Variants in TUBB4A observed in about 807,000 individuals in gnomAD.
TUBB4A encodes the protein tubulin beta 4A class IVa.
Under a neutral mutation model 35.1 loss-of-function variants are expected in TUBB4A, and 13 were observed. The ratio of observed to expected loss-of-function variants is 0.37; its 90% confidence interval spans 0.24 to 0.59. The LOEUF (loss-of-function observed/expected upper bound fraction) is 0.59, where lower values mean the gene tolerates loss of function less well. Ranked by LOEUF, TUBB4A falls within the 20% of genes least tolerant of loss-of-function variation. The pLI is 0.71. For synonymous variants in TUBB4A, 279 were observed against 272.4 expected, an observed-to-expected ratio of 1.02 and a Z score of -0.24; for missense variants, 299 against 647.2, an observed-to-expected ratio of 0.46 and a Z score of 5.84.
Position 6,495,050 on chromosome 19 carries a change from CA to C in TUBB4A, c.*113del, listed in dbSNP as rs549322007. On this transcript the variant is annotated 3_prime_UTR_variant, in exon 4 of 4. Coordinates refer to ENST00000264071, the MANE Select transcript of TUBB4A (RefSeq NM_006087.4). The surrounding 1 kb of genome is among the most constrained non-coding windows in gnomAD (Gnocchi z 8.7). ...CGAGCTCCAAAGGTATTGTTAGGGT[CA>C]GCGGGGAGTCAGCCTTGGAGGGAAA... 63 of 1,279,190 alleles carry C rather than the reference CA, an allele frequency of 4.9e-5. 1 individual carries two copies. In the African/African-American group the frequency reaches 6.1e-4, roughly 12 times the overall value. 79.2% of individuals were successfully genotyped at this position (1,279,190 alleles called of 1,614,324 possible).
In TUBB4A at chr19:6,496,019, T is replaced by C. The variant is rs779020457; in HGVS notation, c.480A>G (p.Pro160=). The change falls in exon 4 of 4, where the codon CCA becomes CCG. Residue 160 remains proline (P), a synonymous_variant. Coordinates refer to ENST00000264071, the MANE Select transcript of TUBB4A (RefSeq NM_006087.4). ...CGCTGAAGGTGTTCATGATGCGGTC[T>C]GGGAACTCCTCGCGGATCTTACTGA... ...LLISKIREEF[P]DRIMNTFSVV... 1.4e-5 allele frequency: 22 copies of C among 1,614,086 alleles called. No homozygotes were observed. The highest frequency in any genetic ancestry group is 3.3e-4 in the Middle Eastern group (2 of 6,084).
At chr19:6,497,064 T>TAA (rs1291861409) in intron 3 of TUBB4A, among the ~76,000 whole-genome samples, 4 of 74,618 alleles carry the variant, frequency 5.4e-5, no homozygotes, top group African/African-American at 1.1e-4. Context: ...TATATATATA[T>TAA]AAATTAGCCA....
intron 3 of TUBB4A, chr19:6,500,745 G>GA (rs113460662): frequency 0.67 from 84,730 of 126,222 alleles, 28,598 homozygotes; most frequent in Middle Eastern, 0.75. Context: ...GACCCTGTCT[G>GA]AAAAAAAAAA....
chr19:6,496,258 T>C, intron 3 of TUBB4A, 37 bp from the exon 4 acceptor site: 1 of 1,567,916 alleles, frequency 6.4e-7, no homozygotes, highest in Non-Finnish European at 8.7e-7. Context: ...CATGCAGTTA[T>C]GGGGAGCCCC....
Position 6,496,425 on chromosome 19 carries a change from C to G in TUBB4A, c.278-204G>C, listed in dbSNP as rs8107114. 71 of 527,328 alleles carry G rather than the reference C, an allele frequency of 1.3e-4. 1 individual carries two copies. In the South Asian group the frequency reaches 1.4e-3, roughly 11 times the overall value. 32.7% of individuals were successfully genotyped at this position (527,328 alleles called of 1,614,324 possible). A position where few individuals can be genotyped will look rare whatever the true frequency, so the allele number is the denominator to read the frequency against. ...TGGGCGGATCACGAGGTCAGGAGAT[C>G]GAGACCATCCTGGCTAACACGGTGA... On this transcript the variant is annotated intron_variant, in intron 3 of 3. Transcript: ENST00000264071.
intron 3 of TUBB4A, among the ~76,000 whole-genome samples, chr19:6,496,665 A>G (rs1334335692): frequency 6.7e-6 from 1 of 148,328 alleles, no homozygotes; most frequent in East Asian, 2.0e-4. Flanking sequence ...ATAAATAATA[A>G]CAATTATAGC....
At chr19:6,498,329 G>A (rs1266468116) in intron 3 of TUBB4A, among the ~76,000 whole-genome samples, 3 of 152,040 alleles carry the variant, frequency 2.0e-5, no homozygotes, top group African/African-American at 4.8e-5. Context: ...TCACCCTCCT[G>A]GATAAGTTCA....
At chr19:6,497,505 A>G (rs1329878098) in intron 3 of TUBB4A, among the ~76,000 whole-genome samples, 1 of 151,728 alleles carries the variant, frequency 6.6e-6, no homozygotes, top group African/African-American at 2.4e-5. Flanking sequence ...AGCTGGAGCA[A>G]TCCACCTGCC....
intron 3 of TUBB4A, among the ~76,000 whole-genome samples, chr19:6,497,273 T>C (rs1423217461): frequency 6.6e-6 from 1 of 151,166 alleles, no homozygotes; most frequent in Non-Finnish European, 1.5e-5. Context: ...AATAATAATA[T>C]CATTTTCAGG....
At chr19:6,500,675 G>C (rs1914487056) in intron 3 of TUBB4A, 1 of 151,732 alleles carries the variant, frequency 6.6e-6, no homozygotes, top group Non-Finnish European at 1.5e-5. Context: ...CAGAGGTGGA[G>C]GTGACAGTGA....
rs143972720 is a variant in TUBB4A at position 6,496,632 on chromosome 19, A to AAATAATAAT, written c.278-420_278-412dup. 9.2e-3 allele frequency among the ~76,000 whole-genome samples: 1,318 copies of AAATAATAAT among 143,418 alleles called. 14 individuals are homozygous for AAATAATAAT. The highest frequency in any genetic ancestry group is 0.043 in the East Asian group (211 of 4,854). 94.1% of individuals were successfully genotyped at this position (143,418 alleles called of 152,430 possible). A position where few individuals can be genotyped will look rare whatever the true frequency, so the allele number is the denominator to read the frequency against. ...GGCAACAGAGCGAGACTCCGTCTCAAAATAATAATAATAATAATAATAATA... is the reference window on the plus strand; with the variant it reads ...GGCAACAGAGCGAGACTCCGTCTCAAAATAATAATAATAATAATAATAATAATAATAATA... On this transcript the variant is annotated intron_variant, in intron 3 of 3. Transcript: ENST00000264071.
At chr19:6,496,324 T>C (rs1914187078) in intron 3 of TUBB4A, 103 bp from the exon 4 acceptor site, 4 of 1,091,738 alleles carry the variant, frequency 3.7e-6, no homozygotes, top group Non-Finnish European at 5.2e-6. Context: ...TGAATACTAG[T>C]AACTATCAAA....
Position 6,495,128 on chromosome 19 carries a change from G to C in TUBB4A, c.*36C>G, listed in dbSNP as rs759397360. The C allele has an allele frequency of 6.8e-6, 11 of 1,608,058 alleles. No individual in the cohort carries two copies. The East Asian group carries it at 1.8e-4, about 26-fold the overall frequency. On this transcript the variant is annotated 3_prime_UTR_variant, in exon 4 of 4. Coordinates refer to ENST00000264071, the MANE Select transcript of TUBB4A (RefSeq NM_006087.4). This position sits in a 1 kb window ranked among gnomAD's most constrained non-coding sequence, Gnocchi z 8.7. ...GGGCCTAGCGGATCAAAGGTCAGAA[G>C]CCTCGAGGGGACAGGTGGGAAGCGA...
rs74383079 is a variant in TUBB4A at position 6,494,531 on chromosome 19, G to T, written c.*633C>A. 7.5e-3 allele frequency: 1,174 copies of T among 155,758 alleles called. 27 individuals are homozygous for T. The highest frequency in any genetic ancestry group is 0.027 in the African/African-American group (1,116 of 41,324). The allele number at this position is 155,758 out of a possible 1,614,324, so 9.6% of individuals were successfully genotyped here. The stretch of plus-strand genomic sequence containing the variant: ...GGTCAGAGGTAGGAGCTGACGCTGT[G>T]GGGGGTGGGGGGTGAAAGGTGAGGC... On this transcript the variant is annotated 3_prime_UTR_variant, in exon 4 of 4. Transcript: ENST00000264071.
chr19:6,501,126 G>T lies in TUBB4A; in HGVS notation c.277+161C>A. 1 of 602,076 alleles carries T rather than the reference G, an allele frequency of 1.7e-6. No individual in the cohort carries two copies. The highest frequency in any genetic ancestry group is 2.9e-6 in the Non-Finnish European group (1 of 341,122). The allele number at this position is 602,076 out of a possible 1,614,324, so 37.3% of individuals were successfully genotyped here. ...CGCCCTCCTCAGGGCTCTCACAGTG[G>T]CCTGAGCATCCCCTCATCACAGCCC... On this transcript the variant is annotated intron_variant, in intron 3 of 3. Coordinates refer to ENST00000264071, the MANE Select transcript of TUBB4A (RefSeq NM_006087.4). This position sits in a 1 kb window ranked among gnomAD's most constrained non-coding sequence, Gnocchi z 4.2.
At position 6,501,001 on chromosome 19, in the gene TUBB4A, A is replaced by G; in HGVS notation, c.277+286T>C. The G allele has an allele frequency of 2.5e-6, 1 of 402,410 alleles. No individual in the cohort carries two copies. Among genetic ancestry groups the G allele is most frequent in the Non-Finnish European group, 4.5e-6 (1 of 222,320 alleles). The allele number at this position is 402,410 out of a possible 1,614,324, so 24.9% of individuals were successfully genotyped here. On this transcript the variant is annotated intron_variant, in intron 3 of 3. Coordinates refer to ENST00000264071, the MANE Select transcript of TUBB4A (RefSeq NM_006087.4). This position sits in a 1 kb window ranked among gnomAD's most constrained non-coding sequence, Gnocchi z 4.2. The stretch of plus-strand genomic sequence containing the variant: ...CTGTTTGTTGAATGCATGAAGTGGC[A>G]GAATTGGGATGTGCACCCAGGCAGT...
intron 3 of TUBB4A, among the ~76,000 whole-genome samples, chr19:6,496,628 C>G (rs1452252538): frequency 8.9e-6 from 1 of 111,798 alleles, no homozygotes; most frequent in Non-Finnish European, 2.0e-5. Flanking sequence ...GAGACTCCGT[C>G]TCAAAATAAT....
At chr19:6,497,064 T>A (rs866978940) in intron 3 of TUBB4A, among the ~76,000 whole-genome samples, 47 of 74,608 alleles carry the variant, frequency 6.3e-4, no homozygotes, top group African/African-American at 8.0e-4. Context: ...TATATATATA[T>A]AAATTAGCCA....
At position 6,495,133 on chromosome 19, in the gene TUBB4A, G is replaced by A. The variant is rs368494733; in HGVS notation, c.*31C>T. ...TAGCGGATCAAAGGTCAGAAGCCTC[G>A]AGGGGACAGGTGGGAAGCGATGGGA... On this transcript the variant is annotated 3_prime_UTR_variant, in exon 4 of 4. Coordinates refer to ENST00000264071, the MANE Select transcript of TUBB4A (RefSeq NM_006087.4). The surrounding 1 kb of genome is among the most constrained non-coding windows in gnomAD (Gnocchi z 8.7). 12 of 1,609,710 alleles carry A rather than the reference G, an allele frequency of 7.5e-6. No individual in the cohort carries two copies. The African/African-American group carries it at 9.4e-5, about 13-fold the overall frequency.
Sources: gnomAD v4.1 joint callset for allele counts (sites outside exome capture counted in the v4.1 genomes callset) on GRCh38, gnomAD v4.1.1 for gene constraint, Gnocchi (gnomAD v3.1) non-coding constraint, MANE v1.5 for transcripts, NCBI Gene and HGNC (gene_info 2026-07-23, HGNC 2026-07-21) for gene names.